BCAR3: variants seen among roughly 807,000 people sequenced by gnomAD.
The protein encoded by BCAR3 is breast cancer anti-estrogen resistance protein 3.
Under a neutral mutation model 80.1 loss-of-function variants are expected in BCAR3, and 37 were observed. That is an observed-to-expected ratio of 0.46 (90% confidence interval 0.36 to 0.61). The LOEUF is 0.61. Ranked by LOEUF, BCAR3 falls within the 20% of genes least tolerant of loss-of-function variation. BCAR3 has a pLI of 0.00. For missense variants in BCAR3, 978 were observed against 1,068.2 expected, an observed-to-expected ratio of 0.92 and a Z score of 1.18; for synonymous variants, 389 against 418.9, an observed-to-expected ratio of 0.93 and a Z score of 0.87.
chr1:93,838,556 C>A (rs151334462), intron 2 of BCAR3, among the ~76,000 whole-genome samples: 219 of 152,312 alleles, frequency 1.4e-3, no homozygotes, highest in African/African-American at 5.0e-3. Context: ...TAACTCTATG[C>A]AAACCATAGC....
rs80177614 is a variant in BCAR3 at position 93,764,157 on chromosome 1, T to A, written c.-62-58015A>T. Among the ~76,000 whole-genome samples, 1,310 of 152,074 alleles carry A rather than the reference T, an allele frequency of 8.6e-3. 45 individuals carry two copies. The highest frequency in any genetic ancestry group is 0.057 in the East Asian group (294 of 5,166). On this transcript the variant is annotated intron_variant, in intron 2 of 13. Transcript: ENST00000370244. ...TCCTGCTTGCCACAGCAGATTTGAC[T>A]CATCACAGCCCCTGCCCTCCTCCAC...
intron 9 of BCAR3, 108 bp from the exon 10 acceptor site, chr1:93,567,959 G>A: frequency 1.2e-6 from 1 of 821,898 alleles, no homozygotes; most frequent in Non-Finnish European, 2.0e-6. Context: ...GGCTGAGGCG[G>A]GTGGATCACT....
At chr1:93,835,594 T>C (rs1052996962) in intron 2 of BCAR3, among the ~76,000 whole-genome samples, 7 of 152,210 alleles carry the variant, frequency 4.6e-5, no homozygotes, top group African/African-American at 1.7e-4. Context: ...TACAAGCCGC[T>C]AGCCTGACTC....
Position 93,567,336 on chromosome 1 carries a change from G to C in BCAR3, c.2242C>G (p.Arg748Gly). The change falls in exon 11 of 12, where the codon CGA (arginine) becomes GGA (glycine). Residue 748 changes from arginine to glycine, a missense_variant. Coordinates refer to ENST00000260502, the MANE Select transcript of BCAR3 (RefSeq NM_003567.4). Reference sequence around the variant, plus strand: ...CTGTCTGCAGCCTCGGCCATGAATCGCGCTGTTGCCAAATGGTTCAGCATG... The same window carrying C: ...CTGTCTGCAGCCTCGGCCATGAATCCCGCTGTTGCCAAATGGTTCAGCATG... ...EIMLNHLATA[R>G]FMAEAADSYR... 1 of 1,614,096 alleles carries C rather than the reference G, an allele frequency of 6.2e-7. No homozygotes were observed. The highest frequency in any genetic ancestry group is 8.5e-7 in the Non-Finnish European group (1 of 1,180,024).
At chr1:93,611,662 A>C (rs1674952658) in intron 3 of BCAR3, among the ~76,000 whole-genome samples, 1 of 152,142 alleles carries the variant, frequency 6.6e-6, no homozygotes, top group Non-Finnish European at 1.5e-5. Flanking sequence ...GTCTTTATAC[A>C]CAAGTCCGTA....
intron 3 of BCAR3, among the ~76,000 whole-genome samples, chr1:93,624,862 A>AGCCAGCCTT (rs1483331300): frequency 6.6e-6 from 1 of 152,256 alleles, no homozygotes; most frequent in African/African-American, 2.4e-5. Context: ...TCACCGGGTA[A>AGCCAGCCTT]GCCAGCCTTG....
At chr1:93,844,113 C>G (rs1655059125) in intron 2 of BCAR3, among the ~76,000 whole-genome samples, 1 of 152,130 alleles carries the variant, frequency 6.6e-6, no homozygotes, top group Admixed American at 6.5e-5. Context: ...TCAAGACCTG[C>G]CTGGACAACA....
At chr1:93,599,760 T>A (rs906214532) in intron 3 of BCAR3, 6 of 152,158 alleles carry the variant, frequency 3.9e-5, no homozygotes, top group African/African-American at 7.2e-5. Context: ...ATTGAACTCA[T>A]CCCCTCTGCA....
chr1:93,747,162 T>C (rs1247251698), intron 2 of BCAR3, among the ~76,000 whole-genome samples: 2 of 152,224 alleles, frequency 1.3e-5, no homozygotes, highest in South Asian at 2.1e-4. Flanking sequence ...GTAGTCTGGA[T>C]ACTGGTTCCT....
intron 2 of BCAR3, among the ~76,000 whole-genome samples, chr1:93,646,800 A>C (rs910499128): frequency 2.6e-5 from 4 of 152,178 alleles, no homozygotes; most frequent in African/African-American, 4.8e-5. Context: ...ATAACCTTAA[A>C]ATTAAGCATA....
intron 3 of BCAR3, among the ~76,000 whole-genome samples, chr1:93,704,572 A>G (rs1649770333): frequency 1.3e-5 from 2 of 152,198 alleles, no homozygotes; most frequent in South Asian, 4.1e-4. Context: ...ACTACACTTC[A>G]CCACATCTCC....
intron 2 of BCAR3, among the ~76,000 whole-genome samples, chr1:93,755,061 C>A (rs1256515888): frequency 6.7e-6 from 1 of 150,078 alleles, no homozygotes; most frequent in East Asian, 1.9e-4. Context: ...TAGTTTTTAA[C>A]AAAACAAAAA....
At chr1:93,747,968 T>C (rs1651415435) in intron 2 of BCAR3, among the ~76,000 whole-genome samples, 1 of 147,824 alleles carries the variant, frequency 6.8e-6, no homozygotes, top group Admixed American at 6.6e-5. Context: ...TGGTCCCAAC[T>C]GAGAACCAAC....
chr1:93,647,973 C>T (rs1676197728), intron 2 of BCAR3, among the ~76,000 whole-genome samples: 1 of 152,052 alleles, frequency 6.6e-6, no homozygotes, highest in Non-Finnish European at 1.5e-5. Flanking sequence ...GGGATTTCAC[C>T]ATGTTGGCCA....
chr1:93,660,833 G>GC (rs1456823793), intron 2 of BCAR3, among the ~76,000 whole-genome samples: 1 of 152,240 alleles, frequency 6.6e-6, no homozygotes, highest in Non-Finnish European at 1.5e-5. Flanking sequence ...TCCTGCCTCA[G>GC]CCTCCCAAGT....
At chr1:93,577,053 C>T (rs988567684) in intron 7 of BCAR3, among the ~76,000 whole-genome samples, 1 of 152,242 alleles carries the variant, frequency 6.6e-6, no homozygotes, top group East Asian at 1.9e-4. Flanking sequence ...TCTTGGGACA[C>T]TAAGACAGGA....
intron 3 of BCAR3, among the ~76,000 whole-genome samples, chr1:93,624,308 G>A (rs3767987): frequency 0.034 from 5,163 of 152,284 alleles, 126 homozygotes; most frequent in East Asian, 0.12. Context: ...AGCTTTTCCC[G>A]GTACAGTCAC....
chr1:93,617,459 TGGACAGTGACTCTGCCCATGGCTAGA>T (rs899364641), intron 3 of BCAR3, among the ~76,000 whole-genome samples: 1 of 152,184 alleles, frequency 6.6e-6, no homozygotes, highest in African/African-American at 2.4e-5. Flanking sequence ...AGCGGCCCCA[TGGACAGTGACTCTGCCCATGGCTAGA>T]GGACAGTGAC....
chr1:93,567,526 T>G, intron 10 of BCAR3, 35 bp from the exon 11 acceptor site: 2 of 1,605,400 alleles, frequency 1.2e-6, no homozygotes, highest in Non-Finnish European at 1.7e-6. Context: ...CCATATCACA[T>G]GTTTTCCAAA....
Sources: gnomAD v4.1 joint callset for allele counts (sites outside exome capture counted in the v4.1 genomes callset) on GRCh38, gnomAD v4.1.1 for gene constraint, MANE v1.5 for transcripts, NCBI Gene and HGNC (gene_info 2026-07-23, HGNC 2026-07-21) for gene names.